CA10: variants seen among roughly 807,000 people sequenced by gnomAD.
CA10 encodes the protein carbonic anhydrase 10 (inactive).
In CA10, 14 loss-of-function variants were observed where a neutral mutation model predicts 44.2. The observed-to-expected ratio is 0.32, with a 90% confidence interval of 0.21 to 0.50. The LOEUF (loss-of-function observed/expected upper bound fraction) is 0.50, where lower values mean the gene tolerates loss of function less well. Among genes scored for constraint, CA10 ranks in the 20% least tolerant of loss-of-function variants. The pLI, the probability that CA10 is intolerant of heterozygous loss-of-function variation, is 0.99. For synonymous variants in CA10, 159 were observed against 141.6 expected (o/e 1.12, Z -0.87); for missense variants, 350 against 409.7 (o/e 0.85, Z 1.26).
At chr17:51,716,650 TG>T (rs2143509998) in intron 4 of CA10, among the ~76,000 whole-genome samples, 1 of 152,248 alleles carries the variant, frequency 6.6e-6, no homozygotes, top group East Asian at 1.9e-4. Context: ...GGTATGAACT[TG>T]GGGTTCATTA....
At chr17:51,845,336 T>C (rs545432409) in intron 3 of CA10, among the ~76,000 whole-genome samples, 43 of 152,316 alleles carry the variant, frequency 2.8e-4, no homozygotes, top group African/African-American at 4.3e-4. Context: ...CCAGTGGAAG[T>C]TGGCTGTCAA....
intron 2 of CA10, among the ~76,000 whole-genome samples, chr17:51,945,332 C>A (rs1000756350): frequency 3.9e-5 from 6 of 152,216 alleles, no homozygotes; most frequent in Non-Finnish European, 7.4e-5. Flanking sequence ...GAGACTGGGG[C>A]TCCATCAAGG....
At chr17:51,959,593 G>A (rs570019944) in intron 2 of CA10, among the ~76,000 whole-genome samples, 39 of 152,016 alleles carry the variant, frequency 2.6e-4, no homozygotes, top group Admixed American at 3.9e-4. Flanking sequence ...CCAAGGCAGC[G>A]TAACAACTGC....
At chr17:51,953,058 A>G (rs1983542335) in intron 2 of CA10, among the ~76,000 whole-genome samples, 1 of 152,180 alleles carries the variant, frequency 6.6e-6, no homozygotes, top group African/African-American at 2.4e-5. Flanking sequence ...CACTGCATGC[A>G]GCCTAGATTC....
intron 2 of CA10, among the ~76,000 whole-genome samples, chr17:52,037,287 A>G (rs954094605): frequency 6.6e-6 from 1 of 152,114 alleles, no homozygotes; most frequent in African/African-American, 2.4e-5. Flanking sequence ...GTCAGCATTG[A>G]GAAGTAGAAA....
intron 3 of CA10, among the ~76,000 whole-genome samples, chr17:51,830,252 T>G (rs1425501029): frequency 6.6e-6 from 1 of 151,320 alleles, no homozygotes; most frequent in Non-Finnish European, 1.5e-5. Context: ...AAGAGAGTAT[T>G]TACACATAGG....
At chr17:51,855,007 T>A (rs190315051) in intron 3 of CA10, among the ~76,000 whole-genome samples, 255 of 152,220 alleles carry the variant, frequency 1.7e-3, no homozygotes, top group African/African-American at 5.8e-3. Flanking sequence ...CTGCCCCTCT[T>A]ACCATCCATT....
chr17:51,788,902 G>A (rs1906399502), intron 3 of CA10, among the ~76,000 whole-genome samples: 1 of 152,160 alleles, frequency 6.6e-6, no homozygotes, highest in African/African-American at 2.4e-5. Context: ...TAGATAGAAT[G>A]TACACCTACA....
intron 3 of CA10, among the ~76,000 whole-genome samples, chr17:51,905,876 G>T (rs896419025): frequency 2.6e-5 from 4 of 152,120 alleles, no homozygotes; most frequent in Middle Eastern, 3.4e-3. Context: ...ATAAAGCAGG[G>T]CTACTTTATC....
chr17:51,726,298 C>T (rs572260328), intron 4 of CA10, among the ~76,000 whole-genome samples: 40 of 152,250 alleles, frequency 2.6e-4, no homozygotes, highest in African/African-American at 9.4e-4. Context: ...TAAAATAATC[C>T]TGATGTTGGT....
chr17:51,730,139 G>A (rs1234545361), intron 4 of CA10, among the ~76,000 whole-genome samples: 1 of 152,184 alleles, frequency 6.6e-6, no homozygotes, highest in African/African-American at 2.4e-5. Flanking sequence ...CATCAGCAAA[G>A]AAAGACTGTA....
intron 1 of CA10, among the ~76,000 whole-genome samples, chr17:52,157,224 G>T (rs1221789029): frequency 2.0e-5 from 3 of 152,138 alleles, no homozygotes; most frequent in Non-Finnish European, 4.4e-5. Context: ...TGATGTGTTT[G>T]GGTAAGGCAT....
intron 2 of CA10, among the ~76,000 whole-genome samples, chr17:51,942,334 CAT>C (rs1983110672): frequency 6.6e-6 from 1 of 152,018 alleles, no homozygotes; most frequent in Non-Finnish European, 1.5e-5. Context: ...AACGAAACCA[CAT>C]ATATAATCCG....
intron 4 of CA10, among the ~76,000 whole-genome samples, chr17:51,715,572 C>T (rs193094684): frequency 6.6e-6 from 1 of 152,144 alleles, no homozygotes; most frequent in African/African-American, 2.4e-5. Flanking sequence ...CTTTGTGTTA[C>T]AAACAATCCA....
intron 2 of CA10, among the ~76,000 whole-genome samples, chr17:52,020,596 T>A (rs1042985743): frequency 1.3e-5 from 2 of 152,134 alleles, no homozygotes; most frequent in Non-Finnish European, 2.9e-5. Flanking sequence ...TCAAAATTGC[T>A]GTAATTTGCT....
intron 2 of CA10, among the ~76,000 whole-genome samples, chr17:52,063,829 A>G (rs1191057085): frequency 3.9e-5 from 6 of 152,220 alleles, no homozygotes; most frequent in Non-Finnish European, 8.8e-5. Flanking sequence ...ATTTACGGAA[A>G]CACAAATGGA....
intron 3 of CA10, among the ~76,000 whole-genome samples, chr17:51,908,599 C>CT (rs11464361): frequency 0.73 from 111,263 of 151,926 alleles, 41,106 homozygotes; most frequent in African/African-American, 0.79. Flanking sequence ...ACTTTAGACA[C>CT]TTTGGTATTA....
chr17:51,760,753 A>G (rs556781606), intron 3 of CA10, among the ~76,000 whole-genome samples: 1 of 152,350 alleles, frequency 6.6e-6, no homozygotes, highest in African/African-American at 2.4e-5. Context: ...CAGCTATCCA[A>G]AAGAAACAGA....
intron 2 of CA10, among the ~76,000 whole-genome samples, chr17:52,000,005 A>T (rs1985367597): frequency 6.6e-6 from 1 of 152,094 alleles, no homozygotes; most frequent in South Asian, 2.1e-4. Context: ...ATCAATAATT[A>T]GTCCCTCTGG....
Sources: gnomAD v4.1 joint callset for allele counts (sites outside exome capture counted in the v4.1 genomes callset) on GRCh38, gnomAD v4.1.1 for gene constraint, MANE v1.5 for transcripts, NCBI Gene and HGNC (gene_info 2026-07-23, HGNC 2026-07-21) for gene names.